Variants in LMAN2L observed in about 807,000 individuals in gnomAD.
LMAN2L encodes VIP36-like protein.
Under a neutral mutation model 44.3 loss-of-function variants are expected in LMAN2L, and 30 were observed. The ratio of observed to expected loss-of-function variants is 0.68; its 90% CI spans 0.51 to 0.92. The LOEUF is 0.92. LMAN2L is among the 40% of genes least tolerant of loss of function. The probability of loss-of-function intolerance (pLI) is 0.00; values close to 1 mark genes in which losing one functional copy is unlikely to be tolerated. For missense variants in LMAN2L, 429 were observed against 446.1 expected, an observed-to-expected ratio of 0.96 and a Z score of 0.35; for synonymous variants, 183 against 171.1, an observed-to-expected ratio of 1.07 and a Z score of -0.54.
chr2:96,712,937 T>C (rs1381095161), intron 4 of LMAN2L, among the ~76,000 whole-genome samples: 2 of 152,108 alleles, frequency 1.3e-5, no homozygotes, highest in African/African-American at 2.4e-5. Flanking sequence ...TGCCACTCCT[T>C]TGGGGAGTAT....
chr2:96,729,047 T>C lies in LMAN2L; in HGVS notation c.507+4472A>G, dbSNP rs577335176. ...ATTAGCTGGGCGTGGTGGCAGGTAC[T>C]TGTAGTCCCAGCTACTCAGGAGGCT... On this transcript the variant is annotated intron_variant, in intron 4 of 7. Coordinates refer to ENST00000264963, the MANE Select transcript of LMAN2L (RefSeq NM_030805.4). 4.8e-4 allele frequency among the ~76,000 whole-genome samples: 72 copies of C among 149,452 alleles called. 1 individual carries two copies. The highest frequency in any genetic ancestry group is 1.6e-3 in the Admixed American group (24 of 14,922).
intron 4 of LMAN2L, among the ~76,000 whole-genome samples, chr2:96,712,698 T>C (rs1374933825): frequency 6.6e-6 from 1 of 152,120 alleles, no homozygotes; most frequent in Non-Finnish European, 1.5e-5. Flanking sequence ...ACACGTAACT[T>C]CTCCGAATAA....
At chr2:96,713,053 TTGGA>T in intron 4 of LMAN2L, 1 of 1,484,990 alleles carries the variant, frequency 6.7e-7, no homozygotes, top group Non-Finnish European at 9.2e-7. Context: ...GCAACAAATG[TTGGA>T]TGGACACATG....
chr2:96,728,710 G>A (rs2078326872), intron 4 of LMAN2L, among the ~76,000 whole-genome samples: 1 of 151,626 alleles, frequency 6.6e-6, no homozygotes, highest in African/African-American at 2.4e-5. Flanking sequence ...AGATGTGGTG[G>A]TGTGTGCCTG....
chr2:96,711,670 G>A lies in LMAN2L; in HGVS notation c.770C>T (p.Thr257Ile), dbSNP rs1238449801. ...RGYYFGTSSITGDLSDNHDVI... is the reference protein window; with the variant it reads ...RGYYFGTSSIIGDLSDNHDVI... ...CGTGGCAGTACCTGAGAGATCCCCA[G>A]TGATGGAGGAGGTGCCGAAGTAGTA... is the stretch of plus-strand genomic sequence containing the variant. Residue 257 changes from threonine to isoleucine, a missense_variant, in exon 6 of 8, where the codon ACT becomes ATT. Physicochemically the swap from Thr to Ile is moderately conservative, Grantham distance 89 (BLOSUM62 -1). Coordinates refer to ENST00000264963, the MANE Select transcript of LMAN2L (RefSeq NM_030805.4). 6.2e-7 allele frequency: 1 copy of A among 1,612,784 alleles called. No homozygotes were observed.
At position 96,724,008 on chromosome 2, in the gene LMAN2L, A is replaced by G. The variant is rs190358112; in HGVS notation, c.507+9511T>C. Among the ~76,000 whole-genome samples the G allele has an allele frequency of 4.6e-5, 7 of 151,970 alleles. No homozygotes were observed. In the East Asian group the frequency reaches 1.4e-3, roughly 29 times the overall value. ...CAGCTACTCGGGAGGCTGAGGCAGG[A>G]GAATGGCGTGAACCCAGGAGGCAGA... On this transcript the variant is annotated intron_variant, in intron 4 of 7. Transcript: ENST00000264963.
chr2:96,725,907 G>A (rs1238179789), intron 4 of LMAN2L, among the ~76,000 whole-genome samples: 2 of 152,016 alleles, frequency 1.3e-5, no homozygotes, highest in Non-Finnish European at 2.9e-5. Flanking sequence ...GGCCGAGGCA[G>A]GTGATCATGA....
chr2:96,716,498 TGTGAAGAA>T (rs2078043357), intron 4 of LMAN2L, among the ~76,000 whole-genome samples: 1 of 152,148 alleles, frequency 6.6e-6, no homozygotes, highest in Non-Finnish European at 1.5e-5. Flanking sequence ...GGAACCCAGA[TGTGAAGAA>T]GTGAAGGAGG....
rs780103350 is a variant in LMAN2L, at chr2:96,712,039, AG to A, written c.508-15del. On this transcript the variant is annotated splice_polypyrimidine_tract_variant and intron_variant, in intron 4 of 7. Coordinates refer to ENST00000264963, the MANE Select transcript of LMAN2L (RefSeq NM_030805.4). ...GGGGAATACCCGCTGGAAAGCAGAGAGGGGGAAGCAGACACTAAGGAAGAGC... is the reference window on the plus strand; with the variant it reads ...GGGGAATACCCGCTGGAAAGCAGAGAGGGGAAGCAGACACTAAGGAAGAGC... 7 of 1,613,828 alleles carry A rather than the reference AG, an allele frequency of 4.3e-6. No individual in the cohort carries two copies. Among genetic ancestry groups the A allele is most frequent in the African/African-American group, 1.3e-5 (1 of 75,042 alleles).
intron 4 of LMAN2L, among the ~76,000 whole-genome samples, chr2:96,719,877 A>C (rs186943713): frequency 6.6e-6 from 1 of 152,156 alleles, no homozygotes; most frequent in South Asian, 2.1e-4. Flanking sequence ...AAAAAAAGTA[A>C]AAATTAACCT....
chr2:96,713,278 T>G lies in LMAN2L; in HGVS notation c.508-1253A>C, dbSNP rs558865141. ...AACCAACTTAAATCCCCAAACAGAA[T>G]TTTAGGGTCCCTGAAGGGCATCCGT... On this transcript the variant is annotated intron_variant, in intron 4 of 7. Coordinates refer to ENST00000264963, the MANE Select transcript of LMAN2L (RefSeq NM_030805.4). 1.1e-5 allele frequency: 8 copies of G among 698,978 alleles called. No homozygotes were observed. In the East Asian group the frequency reaches 2.2e-4, roughly 20 times the overall value. 43.3% of individuals were successfully genotyped at this position (698,978 alleles called of 1,614,324 possible).
At chr2:96,732,152 CTT>C (rs2078412259) in intron 4 of LMAN2L, among the ~76,000 whole-genome samples, 1 of 150,936 alleles carries the variant, frequency 6.6e-6, no homozygotes, top group African/African-American at 2.4e-5. Context: ...CATGCCTGGC[CTT>C]CTAATGTTTT....
At chr2:96,708,010 A>G (rs1244849127) in intron 6 of LMAN2L, among the ~76,000 whole-genome samples, 177 bp from the exon 7 acceptor site, 2 of 152,238 alleles carry the variant, frequency 1.3e-5, no homozygotes, top group Non-Finnish European at 2.9e-5. Flanking sequence ...GGCATATTCT[A>G]TATCTTCTGT....
intron 4 of LMAN2L, among the ~76,000 whole-genome samples, chr2:96,718,986 T>A (rs897850228): frequency 3.3e-5 from 5 of 152,148 alleles, no homozygotes; most frequent in African/African-American, 1.2e-4. Flanking sequence ...ATCAAGTAAT[T>A]TGAGGACTTC....
rs756734542 is a variant in LMAN2L, at chr2:96,739,900, C to G, written c.141G>C (p.Thr47=). The change falls in exon 1 of 8, where the codon ACG becomes ACC. Residue 47 remains threonine (T), a synonymous_variant. Coordinates refer to ENST00000264963, the MANE Select transcript of LMAN2L (RefSeq NM_030805.4). Reference sequence around the variant, plus strand: ...AGTGCTCCCGTTTCAAGTACTCGAACGTTTGACCCGCCCCGACTTGCTGTG... The same window carrying G: ...AGTGCTCCCGTTTCAAGTACTCGAAGGTTTGACCCGCCCCGACTTGCTGTG... ...QGPQQVGAGQ[T]FEYLKREHSL... 1 of 1,614,090 alleles carries G rather than the reference C, an allele frequency of 6.2e-7. No homozygotes were observed. Among genetic ancestry groups the G allele is most frequent in the South Asian group, 1.1e-5 (1 of 91,082 alleles).
chr2:96,733,574 A>G lies in LMAN2L; in HGVS notation c.452T>C (p.Phe151Ser). ...PGPVFGNMDK[F>S]VGLGVFVDTY... The stretch of plus-strand genomic sequence containing the variant: ...GTCTACAAATACTCCCAGCCCCACA[A>G]ATTTGTCCATGTTTCCAAACACAGG... The change falls in exon 4 of 8, where the codon TTT (phenylalanine) becomes TCT (serine). Residue 151 changes from phenylalanine to serine, a missense_variant. Transcript: ENST00000264963. 2 of 1,614,006 alleles carry G rather than the reference A, an allele frequency of 1.2e-6. No homozygotes were observed. Among genetic ancestry groups the G allele is most frequent in the Non-Finnish European group, 1.7e-6 (2 of 1,179,904 alleles).
intron 2 of LMAN2L, among the ~76,000 whole-genome samples, chr2:96,736,262 C>T (rs2078513507): frequency 6.6e-6 from 1 of 152,308 alleles, no homozygotes; most frequent in Admixed American, 6.5e-5. Context: ...ATCCCAATGG[C>T]CAAGCTGCAC....
intron 4 of LMAN2L, among the ~76,000 whole-genome samples, chr2:96,724,517 C>G (rs1385683801): frequency 6.6e-6 from 1 of 152,108 alleles, no homozygotes; most frequent in African/African-American, 2.4e-5. Flanking sequence ...TACTTTATTT[C>G]ATTTTTGAGA....
chr2:96,736,263 C>T (rs2078513577), intron 2 of LMAN2L, among the ~76,000 whole-genome samples: 1 of 152,176 alleles, frequency 6.6e-6, no homozygotes, highest in Non-Finnish European at 1.5e-5. Flanking sequence ...TCCCAATGGC[C>T]AAGCTGCACC....
Sources: gnomAD v4.1 joint callset for allele counts (sites outside exome capture counted in the v4.1 genomes callset) on GRCh38, gnomAD v4.1.1 for gene constraint, MANE v1.5 for transcripts, NCBI Gene and HGNC (gene_info 2026-07-23, HGNC 2026-07-21) for gene names.